The following ATXN1 variants were observed in gnomAD, a reference collection of about 807,000 sequenced individuals.
ATXN1 encodes ataxin-1.
ATXN1 carries 8 observed loss-of-function variants against 56.4 expected under a neutral mutation model. That is an observed-to-expected ratio of 0.14 (90% CI 0.08 to 0.26). ATXN1 has a LOEUF of 0.26. Among genes scored for constraint, ATXN1 ranks in the 10% least tolerant of loss-of-function variants. The pLI is 1.00. For missense variants in ATXN1, 987 were observed against 1,106.5 expected (o/e 0.89, Z 1.53); for synonymous variants, 514 against 494.6 (o/e 1.04, Z -0.52).
intron 3 of ATXN1, among the ~76,000 whole-genome samples, chr6:16,644,586 G>GTGTGTGTA (rs755274853): frequency 1.1e-4 from 17 of 148,254 alleles, no homozygotes; most frequent in African/African-American, 4.3e-4. Flanking sequence ...GTGTGTGTGT[G>GTGTGTGTA]TATACACACA....
chr6:16,409,503 A>G (rs759607223), intron 6 of ATXN1, among the ~76,000 whole-genome samples: 1 of 152,012 alleles, frequency 6.6e-6, no homozygotes, highest in Non-Finnish European at 1.5e-5. Context: ...AAATACAAAA[A>G]TTAACCTGGC....
intron 2 of ATXN1, among the ~76,000 whole-genome samples, chr6:16,708,766 C>T (rs1759461602): frequency 6.6e-6 from 1 of 152,170 alleles, no homozygotes; most frequent in Non-Finnish European, 1.5e-5. Context: ...TGTCTCATGC[C>T]TATAATCCTA....
intron 2 of ATXN1, among the ~76,000 whole-genome samples, chr6:16,675,531 G>A (rs1366111414): frequency 2.0e-5 from 3 of 152,136 alleles, no homozygotes; most frequent in Non-Finnish European, 4.4e-5. Flanking sequence ...ACACATGAAG[G>A]CGAAAGGAGC....
intron 3 of ATXN1, among the ~76,000 whole-genome samples, chr6:16,591,478 A>G (rs1340279311): frequency 6.6e-6 from 1 of 152,200 alleles, no homozygotes; most frequent in Non-Finnish European, 1.5e-5. Flanking sequence ...TGTTTGCGTC[A>G]TAACATCTGA....
chr6:16,741,597 C>T (rs1046534360), intron 2 of ATXN1, among the ~76,000 whole-genome samples: 1 of 152,196 alleles, frequency 6.6e-6, no homozygotes, highest in Admixed American at 6.5e-5. Context: ...TACAGCAGGA[C>T]AGCCAACAGC....
chr6:16,685,143 T>C (rs763251736), intron 2 of ATXN1, among the ~76,000 whole-genome samples: 18 of 143,918 alleles, frequency 1.3e-4, no homozygotes, highest in Non-Finnish European at 2.8e-4. Context: ...CACTGTTATG[T>C]CAGGTCAATC....
intron 5 of ATXN1, among the ~76,000 whole-genome samples, chr6:16,514,798 A>G (rs1358484869): frequency 6.6e-6 from 1 of 152,030 alleles, no homozygotes; most frequent in African/African-American, 2.4e-5. Context: ...CCTGGCCAAC[A>G]TGGTGAAACC....
chr6:16,563,520 G>A (rs554439522), intron 4 of ATXN1, among the ~76,000 whole-genome samples: 10 of 152,276 alleles, frequency 6.6e-5, no homozygotes, highest in Non-Finnish European at 1.5e-4. Context: ...TGGGGGATGA[G>A]TCAGGGCTCA....
intron 2 of ATXN1, among the ~76,000 whole-genome samples, chr6:16,743,775 G>A (rs1760426925): frequency 6.6e-6 from 1 of 152,210 alleles, no homozygotes; most frequent in South Asian, 2.1e-4. Context: ...AGTGCAGAGA[G>A]AGGAGCTGGG....
chr6:16,644,742 GGGATGATACTGACGT>G (rs1388885350), intron 3 of ATXN1, among the ~76,000 whole-genome samples: 4 of 152,102 alleles, frequency 2.6e-5, no homozygotes, highest in African/African-American at 9.7e-5. Context: ...GGAACGGGAA[GGGATGATACTGACGT>G]GGCCACTCAC....
In ATXN1 at chr6:16,327,155, G is replaced by A; in HGVS notation, c.1156C>T (p.Pro386Ser). The A allele has an allele frequency of 6.2e-7, 1 of 1,613,694 alleles. No homozygotes were observed. ...TCAGCTGCGGGCGTGTTGCTGTTGG[G>A]CAGGACCATCACAGAGGCCCGGACC... ...SGVRASVMVLPNSNTPAADLE... is the reference protein window; with the variant it reads ...SGVRASVMVLSNSNTPAADLE... Residue 386 changes from proline (P) to serine (S), a missense_variant, in exon 7 of 8, where the codon CCC becomes TCC. Transcript: ENST00000436367.
chr6:16,634,400 G>T (rs1341458327), intron 3 of ATXN1, among the ~76,000 whole-genome samples: 2 of 151,938 alleles, frequency 1.3e-5, no homozygotes, highest in Admixed American at 1.3e-4. Flanking sequence ...TTGTTTCTGA[G>T]AATTAAACAT....
At chr6:16,587,576 C>T (rs927600127) in intron 3 of ATXN1, among the ~76,000 whole-genome samples, 1 of 152,174 alleles carries the variant, frequency 6.6e-6, no homozygotes, top group African/African-American at 2.4e-5. Flanking sequence ...ATGCCTCTGC[C>T]TTTGCATATG....
intron 6 of ATXN1, among the ~76,000 whole-genome samples, chr6:16,409,652 C>A (rs373832726): frequency 9.0e-3 from 944 of 105,416 alleles, no homozygotes; most frequent in East Asian, 0.028. Flanking sequence ...GACTAGGTCT[C>A]AAAAAAAAAA....
chr6:16,710,636 G>A (rs555213485), intron 2 of ATXN1, among the ~76,000 whole-genome samples: 11 of 152,178 alleles, frequency 7.2e-5, no homozygotes, highest in South Asian at 2.1e-4. Flanking sequence ...CACCCAGGCC[G>A]GAGTGCAGTG....
chr6:16,556,015 A>G (rs1018058906), intron 4 of ATXN1, among the ~76,000 whole-genome samples: 2 of 152,226 alleles, frequency 1.3e-5, no homozygotes, highest in South Asian at 2.1e-4. Context: ...GGCACCATCA[A>G]AAAGAATCAA....
intron 3 of ATXN1, among the ~76,000 whole-genome samples, chr6:16,643,495 C>T (rs768331811): frequency 1.3e-5 from 2 of 151,254 alleles, no homozygotes; most frequent in Non-Finnish European, 2.9e-5. Context: ...CAGGTGTTGT[C>T]GTGCACACAT....
intron 3 of ATXN1, among the ~76,000 whole-genome samples, chr6:16,639,649 G>A (rs1279395031): frequency 6.6e-6 from 1 of 152,166 alleles, no homozygotes; most frequent in Non-Finnish European, 1.5e-5. Flanking sequence ...GGAGCTCCAA[G>A]GGGCCAGGGA....
chr6:16,520,158 C>T (rs567019497), intron 5 of ATXN1, among the ~76,000 whole-genome samples: 31 of 152,284 alleles, frequency 2.0e-4, no homozygotes, highest in African/African-American at 7.2e-4. Flanking sequence ...ATGGTGAGTG[C>T]TGTTTGAGCT....
Sources: gnomAD v4.1 joint callset for allele counts (sites outside exome capture counted in the v4.1 genomes callset) on GRCh38, gnomAD v4.1.1 for gene constraint, MANE v1.5 for transcripts, NCBI Gene and HGNC (gene_info 2026-07-23, HGNC 2026-07-21) for gene names.